The following NME8 variants were observed in gnomAD, a reference collection of about 807,000 sequenced individuals.
NME8 encodes protein NME8.
In NME8, 72 loss-of-function variants were observed where a neutral mutation model predicts 82.3. The ratio of observed to expected loss-of-function variants is 0.87; its 90% CI spans 0.72 to 1.06. The LOEUF is 1.06. Ranked by LOEUF, NME8 falls within the 50% of genes least tolerant of loss-of-function variation. NME8 has a pLI of 0.00. For missense variants in NME8, 712 were observed against 685.4 expected (o/e 1.04, Z -0.43); for synonymous variants, 267 against 228.5 (o/e 1.17, Z -1.52).
chr7:37,860,925 A>T (rs967756676), intron 6 of NME8, among the ~76,000 whole-genome samples: 1 of 152,322 alleles, frequency 6.6e-6, no homozygotes, highest in East Asian at 1.9e-4. Context: ...TTTACATCAC[A>T]TTCTATCCAA....
intron 10 of NME8, among the ~76,000 whole-genome samples, chr7:37,866,598 C>A (rs949802948): frequency 2.0e-5 from 3 of 152,096 alleles, no homozygotes; most frequent in Non-Finnish European, 4.4e-5. Context: ...TGTTAGGTTA[C>A]CTTTAAGATA....
rs138930037 is a variant in NME8, at chr7:37,891,320, T to C, written c.1399+2892T>C. 5.3e-4 allele frequency among the ~76,000 whole-genome samples: 81 copies of C among 152,044 alleles called. 3 individuals carry two copies. The East Asian group carries it at 0.015, about 28-fold the overall frequency. ...GGTTTTGCTTTTGTTGCCTGTGCTT[T>C]TGAGGTCTTACCAAAAAAAATCACT... On this transcript the variant is annotated intron_variant, in intron 15 of 17. Coordinates refer to ENST00000199447, the MANE Select transcript of NME8 (RefSeq NM_016616.5).
intron 10 of NME8, among the ~76,000 whole-genome samples, chr7:37,866,738 T>A (rs1372056424): frequency 6.6e-6 from 1 of 152,142 alleles, no homozygotes; most frequent in African/African-American, 2.4e-5. Context: ...ATTTAGAAAG[T>A]TTATTTTGCC....
chr7:37,894,459 T>C lies in NME8; in HGVS notation c.1400-7T>C. ...CTGCAATATTATCAAATATTTGTTT[T>C]TCTTAGAGCAGATCCTGAAGATAGT... On this transcript the variant is annotated splice_polypyrimidine_tract_variant and splice_region_variant and intron_variant, in intron 15 of 17. Transcript: ENST00000199447. The C allele has an allele frequency of 6.2e-7, 1 of 1,612,320 alleles. No individual in the cohort carries two copies. Among genetic ancestry groups the C allele is most frequent in the Non-Finnish European group, 8.5e-7 (1 of 1,178,708 alleles).
chr7:37,865,481 G>A, intron 9 of NME8, 44 bp from the exon 10 acceptor site: 1 of 1,339,888 alleles, frequency 7.5e-7, no homozygotes, highest in East Asian at 2.3e-5. Flanking sequence ...TGTTTTACAT[G>A]TGATCCCACG....
intron 14 of NME8, among the ~76,000 whole-genome samples, chr7:37,887,872 C>T (rs551729067): frequency 1.3e-5 from 2 of 152,220 alleles, no homozygotes; most frequent in East Asian, 3.9e-4. Flanking sequence ...CTTCTGAGAA[C>T]TCACTCACTA....
intron 7 of NME8, 72 bp downstream of exon 7, chr7:37,862,216 C>T (rs1426616928): frequency 1.0e-6 from 1 of 979,312 alleles, no homozygotes; most frequent in East Asian, 2.4e-5. Context: ...AAATGCACTA[C>T]TGGTGCTAGG....
At position 37,865,514 on chromosome 7, in the gene NME8, T is replaced by C; in HGVS notation, c.529-11T>C. 1 of 1,590,702 alleles carries C rather than the reference T, an allele frequency of 6.3e-7. No individual in the cohort carries two copies. Among genetic ancestry groups the C allele is most frequent in the African/African-American group, 1.3e-5 (1 of 74,582 alleles). The stretch of plus-strand genomic sequence containing the variant: ...ACGACACCTGGATTTGACCTTACTC[T>C]CTAATTGAAGATTACCAAAGCTGGA... On this transcript the variant is annotated splice_polypyrimidine_tract_variant and intron_variant, in intron 9 of 17. Transcript: ENST00000199447.
intron 10 of NME8, 65 bp from the exon 11 acceptor site, chr7:37,867,637 G>T: frequency 8.1e-7 from 1 of 1,237,182 alleles, no homozygotes. Context: ...CTTGGGTAGT[G>T]ACCACCATTT....
chr7:37,884,531 G>A, intron 13 of NME8, 84 bp downstream of exon 13: 1 of 1,177,264 alleles, frequency 8.5e-7, no homozygotes, highest in Non-Finnish European at 1.3e-6. Flanking sequence ...TATTTAAGCT[G>A]CCAAACTCCT....
intron 11 of NME8, among the ~76,000 whole-genome samples, chr7:37,869,825 A>G (rs756441556): frequency 2.0e-5 from 3 of 152,040 alleles, no homozygotes; most frequent in Non-Finnish European, 4.4e-5. Context: ...TACTCAAAAT[A>G]TGGCGCTTTG....
At chr7:37,894,329 T>G in intron 15 of NME8, 137 bp from the exon 16 acceptor site, 2 of 856,626 alleles carry the variant, frequency 2.3e-6, no homozygotes, top group Non-Finnish European at 3.8e-6. Context: ...GAATTTTAAT[T>G]TCGTTTGGCA....
At chr7:37,867,333 TA>T (rs1337393393) in intron 10 of NME8, among the ~76,000 whole-genome samples, 1 of 151,634 alleles carries the variant, frequency 6.6e-6, no homozygotes, top group Non-Finnish European at 1.5e-5. Context: ...TATTTAGGAA[TA>T]AAATGAGAGG....
chr7:37,894,775 CT>C (rs1329781258), intron 16 of NME8, among the ~76,000 whole-genome samples, 165 bp downstream of exon 16: 2 of 151,888 alleles, frequency 1.3e-5, no homozygotes, highest in African/African-American at 4.8e-5. Flanking sequence ...CCTTACCTCC[CT>C]CCCTATCTTC....
intron 10 of NME8, among the ~76,000 whole-genome samples, chr7:37,866,137 T>A (rs984194259): frequency 6.6e-6 from 1 of 151,590 alleles, no homozygotes; most frequent in Non-Finnish European, 1.5e-5. Flanking sequence ...GGCTTGGGAG[T>A]CAGGAGACCT....
Position 37,850,167 on chromosome 7 carries a change from A to C in NME8, c.-7-93A>C, listed in dbSNP as rs1026906141. ...CACCTACTATGTACCCACAAAAATT[A>C]AAAATTGTTTTAAAAGATGTTATTT... is the stretch of plus-strand genomic sequence containing the variant. On this transcript the variant is annotated intron_variant, in intron 2 of 17. Transcript: ENST00000199447. 3.4e-5 allele frequency: 33 copies of C among 960,548 alleles called. No homozygotes were observed. The African/African-American group carries it at 5.0e-4, about 15-fold the overall frequency. 59.5% of individuals were successfully genotyped at this position (960,548 alleles called of 1,614,324 possible). A position where few individuals can be genotyped will look rare whatever the true frequency, so the allele number is the denominator to read the frequency against.
Position 37,877,530 on chromosome 7 carries a change from A to G in NME8, c.994+523A>G, listed in dbSNP as rs577284121. ...ACTATTCATTCTTTTTTTATATCTA[A>G]TATATGGAAACATAATTACCATTAA... On this transcript the variant is annotated intron_variant, in intron 12 of 17. Coordinates refer to ENST00000199447, the MANE Select transcript of NME8 (RefSeq NM_016616.5). Among the ~76,000 whole-genome samples, 4 of 152,292 alleles carry G rather than the reference A, an allele frequency of 2.6e-5. No homozygotes were observed. In the East Asian group the frequency reaches 5.8e-4, roughly 22 times the overall value.
Position 37,884,381 on chromosome 7 carries a change from C to G in NME8, c.1073C>G (p.Ala358Gly). The G allele has an allele frequency of 6.2e-7, 1 of 1,608,348 alleles. No homozygotes were observed. Among genetic ancestry groups the G allele is most frequent in the Non-Finnish European group, 8.5e-7 (1 of 1,174,920 alleles). ...QRQVVLSEKE[A>G]QALCKEYENE... The stretch of plus-strand genomic sequence containing the variant: ...CAAGTAGTATTATCGGAAAAAGAAG[C>G]ACAAGCACTGTGCAAGGAATATGAA... Residue 358 changes from alanine to glycine, a missense_variant, in exon 13 of 18, where the codon GCA becomes GGA. By Grantham distance (60) the Ala-to-Gly change is moderately conservative. Transcript: ENST00000199447.
rs879890228 is a variant in NME8 at position 37,882,631 on chromosome 7, GAA to G, written c.995-1670_995-1669del. Among the ~76,000 whole-genome samples the G allele has an allele frequency of 5.8e-3, 746 of 128,906 alleles. 10 individuals are homozygous for G. The highest frequency in any genetic ancestry group is 0.012 in the Middle Eastern group (3 of 260). The allele number at this position is 128,906 out of a possible 152,430, so 84.6% of individuals were successfully genotyped here. A position where few individuals can be genotyped will look rare whatever the true frequency, so the allele number is the denominator to read the frequency against. On this transcript the variant is annotated intron_variant, in intron 12 of 17. Coordinates refer to ENST00000199447, the MANE Select transcript of NME8 (RefSeq NM_016616.5). ...AGAGAGAGAGAAAGAAAGAAAGAAA[GAA>G]AGAAAGAAAGAGAAAGAAAGAAAGA...
Sources: gnomAD v4.1 joint callset for allele counts (sites outside exome capture counted in the v4.1 genomes callset) on GRCh38, gnomAD v4.1.1 for gene constraint, MANE v1.5 for transcripts, NCBI Gene and HGNC (gene_info 2026-07-23, HGNC 2026-07-21) for gene names.